Variants in LHX9 observed in about 807,000 individuals in gnomAD.
LHX9 encodes the protein LIM homeobox 9, also known as LIM/homeobox protein Lhx9.
LHX9 carries 9 observed loss-of-function variants against 36.5 expected under a neutral mutation model. The observed-to-expected ratio is 0.25, with a 90% CI of 0.15 to 0.43. The LOEUF is 0.43. LHX9 is among the 20% of genes least tolerant of loss of function. The probability of loss-of-function intolerance (pLI) is 1.00; values close to 1 mark genes in which losing one functional copy is unlikely to be tolerated. For missense variants in LHX9, 464 were observed against 526.4 expected, an observed-to-expected ratio of 0.88 and a Z score of 1.16; for synonymous variants, 211 against 212.1, an observed-to-expected ratio of 0.99 and a Z score of 0.04.
chr1:197,916,425 G>T (rs1341177115), upstream of LHX9: 3 of 519,196 alleles, frequency 5.8e-6, no homozygotes, highest in East Asian at 6.6e-5. Flanking sequence ...AGAAGCACGC[G>T]ATGGGGCTAG....
upstream of LHX9, among the ~76,000 whole-genome samples, chr1:197,915,480 G>A (rs1402571397): frequency 6.6e-6 from 1 of 152,194 alleles, no homozygotes. Context: ...CCCATCCAAA[G>A]GGGCTAATTA....
Position 197,935,385 on chromosome 1 carries a change from T to G in LHX9, c.*6126T>G, listed in dbSNP as rs997077960. The G allele has an allele frequency of 6.6e-6, 1 of 152,222 alleles. No individual in the cohort carries two copies. Among genetic ancestry groups the G allele is most frequent in the Non-Finnish European group, 1.5e-5 (1 of 68,028 alleles). 9.4% of individuals were successfully genotyped at this position (152,222 alleles called of 1,614,324 possible). On this transcript the variant is annotated 3_prime_UTR_variant, in exon 5 of 5. Coordinates refer to ENST00000367387, the MANE Select transcript of LHX9 (RefSeq NM_020204.3). ...GGAAAGTTTTTTTCTTTTGGAACTTTCTGTTTACATTTTGCATGATCTTAT... is the reference window on the plus strand; with the variant it reads ...GGAAAGTTTTTTTCTTTTGGAACTTGCTGTTTACATTTTGCATGATCTTAT...
upstream of LHX9, chr1:197,916,328 C>T (rs1359764250): frequency 3.9e-6 from 1 of 258,704 alleles, no homozygotes; most frequent in Non-Finnish European, 7.4e-6. Flanking sequence ...CCTTCCCCTC[C>T]TCCACGGCAA....
rs1014313987 is a variant in LHX9, at chr1:197,917,420, A to G, written c.-404A>G. 3.7e-5 allele frequency: 48 copies of G among 1,310,278 alleles called. No homozygotes were observed. Among genetic ancestry groups the G allele is most frequent in the Non-Finnish European group, 4.7e-5 (47 of 993,206 alleles). The allele number at this position is 1,310,278 out of a possible 1,614,324, so 81.2% of individuals were successfully genotyped here. ...ACTGGGAACTTGCAAGCAGCCAGGG[A>G]ACGCTGAAAATAGCACGTCTTTTTC... On this transcript the variant is annotated 5_prime_UTR_variant, in exon 1 of 5. Transcript: ENST00000367387.
rs990943151 is a variant in LHX9 at position 197,930,125 on chromosome 1, T to TA, written c.*873dup. 4.0e-5 allele frequency: 35 copies of TA among 881,246 alleles called. No individual in the cohort carries two copies. Among genetic ancestry groups the TA allele is most frequent in the Admixed American group, 6.2e-5 (1 of 16,110 alleles). The allele number at this position is 881,246 out of a possible 1,614,324, so 54.6% of individuals were successfully genotyped here. A position where few individuals can be genotyped will look rare whatever the true frequency, so the allele number is the denominator to read the frequency against. On this transcript the variant is annotated 3_prime_UTR_variant, in exon 5 of 5. Coordinates refer to ENST00000367387, the MANE Select transcript of LHX9 (RefSeq NM_020204.3). ...AAGCAAAATATAATGTTTTAAGAAG[T>TA]AAAAAAATCAATATAATTTAATTAA...
At chr1:197,917,080 T>A (rs1659780804), upstream of LHX9, 1 of 180,640 alleles carries the variant, frequency 5.5e-6, no homozygotes, top group Non-Finnish European at 1.0e-5. Flanking sequence ...TGCTGGGAAC[T>A]CTTGGAAGGA....
At chr1:197,920,876 T>A (rs979924859) in intron 2 of LHX9, among the ~76,000 whole-genome samples, 1 of 152,238 alleles carries the variant, frequency 6.6e-6, no homozygotes, top group Non-Finnish European at 1.5e-5. Context: ...CTTCCAGGAC[T>A]GTGTCCGCAT....
At chr1:197,912,650 C>T, upstream of LHX9, 2 of 1,319,566 alleles carry the variant, frequency 1.5e-6, no homozygotes, top group Non-Finnish European at 1.1e-6. Context: ...TGTGCGCCTT[C>T]GTTGGGTGGA....
upstream of LHX9, chr1:197,912,618 C>G: frequency 6.5e-7 from 1 of 1,532,534 alleles, no homozygotes; most frequent in Non-Finnish European, 9.0e-7. Context: ...GTGCGTATAC[C>G]ATGTGAGTGT....
chr1:197,918,608 T>A, intron 1 of LHX9: 1 of 550,910 alleles, frequency 1.8e-6, no homozygotes, highest in Non-Finnish European at 3.2e-6. Context: ...GGGTGTCATG[T>A]GTAGGGGGAA....
chr1:197,919,937 G>A, intron 1 of LHX9, 35 bp from the exon 2 acceptor site: 3 of 1,605,906 alleles, frequency 1.9e-6, no homozygotes, highest in East Asian at 2.2e-5. Context: ...TACACCGCGC[G>A]CCCTCCTCAG....
Position 197,929,121 on chromosome 1 carries a change from T to C in LHX9, c.1056T>C (p.Ala352=), listed in dbSNP as rs755913355. The C allele has an allele frequency of 6.2e-6, 10 of 1,613,588 alleles. No individual in the cohort carries two copies. Among genetic ancestry groups the C allele is most frequent in the Admixed American group, 5.0e-5 (3 of 59,918 alleles). The part of the protein sequence containing the change: ...LPAPPSADSG[A]LTPPGTATTL... ...CCCCGCCCTCAGCAGACAGCGGAGC[T>C]CTCACTCCACCCGGCACTGCGACCA... The change falls in exon 5 of 5, where the codon GCT becomes GCC. Residue 352 remains alanine (A), a synonymous_variant. Transcript: ENST00000367387.
At position 197,933,980 on chromosome 1, in the gene LHX9, C is replaced by T. The variant is rs1660392593; in HGVS notation, c.*4721C>T. ...CTACCTCCCAGTTGCCTGGGTTAGT[C>T]TAACTTCTGGCAGATTGATCTTGGG... On this transcript the variant is annotated 3_prime_UTR_variant, in exon 5 of 5. Coordinates refer to ENST00000367387, the MANE Select transcript of LHX9 (RefSeq NM_020204.3). 1 of 152,156 alleles carries T rather than the reference C, an allele frequency of 6.6e-6. No homozygotes were observed. Among genetic ancestry groups the T allele is most frequent in the Non-Finnish European group, 1.5e-5 (1 of 68,034 alleles). The allele number at this position is 152,156 out of a possible 1,614,324, so 9.4% of individuals were successfully genotyped here. A position where few individuals can be genotyped will look rare whatever the true frequency, so the allele number is the denominator to read the frequency against.
Position 197,929,116 on chromosome 1 carries a change from G to T in LHX9, c.1051G>T (p.Gly351Ter). The part of the protein sequence containing the change: ...SLPAPPSADS[G>*]ALTPPGTATT... Reference sequence around the variant, plus strand: ...TCCGGCCCCGCCCTCAGCAGACAGCGGAGCTCTCACTCCACCCGGCACTGC... The same window carrying T: ...TCCGGCCCCGCCCTCAGCAGACAGCTGAGCTCTCACTCCACCCGGCACTGC... The change falls in exon 5 of 5, where the codon GGA becomes TGA. Residue 351 changes from glycine (G) to a stop codon, truncating the protein, a stop_gained. Transcript: ENST00000367387. LOFTEE classifies it high-confidence loss of function. The T allele has an allele frequency of 6.2e-7, 1 of 1,613,688 alleles. No individual in the cohort carries two copies. Among genetic ancestry groups the T allele is most frequent in the Non-Finnish European group, 8.5e-7 (1 of 1,179,886 alleles).
At chr1:197,924,762 C>A (rs144328487) in intron 3 of LHX9, among the ~76,000 whole-genome samples, 1 of 152,116 alleles carries the variant, frequency 6.6e-6, no homozygotes, top group African/African-American at 2.4e-5. Flanking sequence ...ACCTTCACAG[C>A]GACACTCACT....
rs971384813 is a variant in LHX9, at chr1:197,934,497, G to A, written c.*5238G>A. ...TTTAACTATGTTATAAACAAAGCTA[G>A]CTTTACTTGTAGAGAGTTCGTGTAC... On this transcript the variant is annotated 3_prime_UTR_variant, in exon 5 of 5. Coordinates refer to ENST00000367387, the MANE Select transcript of LHX9 (RefSeq NM_020204.3). The A allele has an allele frequency of 3.3e-5, 5 of 152,118 alleles. No homozygotes were observed. Among genetic ancestry groups the A allele is most frequent in the African/African-American group, 1.2e-4 (5 of 41,432 alleles). The allele number at this position is 152,118 out of a possible 1,614,324, so 9.4% of individuals were successfully genotyped here.
At chr1:197,919,919 C>G (rs1659915585) in intron 1 of LHX9, 53 bp from the exon 2 acceptor site, 1 of 1,584,044 alleles carries the variant, frequency 6.3e-7, no homozygotes, top group East Asian at 2.2e-5. Context: ...AACCCCGCGT[C>G]GTGCGGCTAC....
chr1:197,929,903 C>G lies in LHX9; in HGVS notation c.*644C>G. On this transcript the variant is annotated 3_prime_UTR_variant, in exon 5 of 5. Coordinates refer to ENST00000367387, the MANE Select transcript of LHX9 (RefSeq NM_020204.3). The stretch of plus-strand genomic sequence containing the variant: ...TTACAGGAATGTGACTTTTCCTTCT[C>G]TTAGGGGTGTACAACTCTAAAAACT... 8.2e-6 allele frequency: 8 copies of G among 971,592 alleles called. No individual in the cohort carries two copies. Among genetic ancestry groups the G allele is most frequent in the Non-Finnish European group, 8.6e-6 (7 of 817,214 alleles). 60.2% of individuals were successfully genotyped at this position (971,592 alleles called of 1,614,324 possible).
At chr1:197,926,975 T>C (rs1222253185) in intron 3 of LHX9, among the ~76,000 whole-genome samples, 1 of 152,196 alleles carries the variant, frequency 6.6e-6, no homozygotes, top group East Asian at 1.9e-4. Context: ...CTTCTCCTCC[T>C]TTTTCAGCCT....
Sources: gnomAD v4.1 joint callset for allele counts (sites outside exome capture counted in the v4.1 genomes callset) on GRCh38, gnomAD v4.1.1 for gene constraint, MANE v1.5 for transcripts, NCBI Gene and HGNC (gene_info 2026-07-23, HGNC 2026-07-21) for gene names.